The following RXRA variants were observed in gnomAD, a reference collection of about 807,000 sequenced individuals.
RXRA encodes the protein retinoic acid receptor RXR-alpha.
Under a neutral mutation model 44.5 loss-of-function variants are expected in RXRA, and 5 were observed. The observed-to-expected ratio is 0.11, with a 90% CI of 0.06 to 0.24. RXRA has a LOEUF of 0.24. RXRA is among the 10% of genes least tolerant of loss of function. The pLI is 1.00. For synonymous variants in RXRA, 291 were observed against 271.4 expected (o/e 1.07, Z -0.71); for missense variants, 412 against 646.5 (o/e 0.64, Z 3.93).
intron 1 of RXRA, among the ~76,000 whole-genome samples, chr9:134,382,911 G>A (rs1302204525): frequency 2.0e-5 from 3 of 152,172 alleles, no homozygotes; most frequent in Non-Finnish European, 2.9e-5. Flanking sequence ...TTCTTGGAGC[G>A]TGCCGAATGC....
chr9:134,386,686 G>A (rs568302319), intron 1 of RXRA, among the ~76,000 whole-genome samples: 394 of 152,300 alleles, frequency 2.6e-3, no homozygotes, highest in African/African-American at 8.2e-3. Flanking sequence ...GCTGGCCCTG[G>A]GTCTGCCAGA....
chr9:134,339,997 A>C (rs1830067404), intron 1 of RXRA, among the ~76,000 whole-genome samples: 1 of 151,888 alleles, frequency 6.6e-6, no homozygotes. Flanking sequence ...TCCTCTGTGC[A>C]CATCTGTGTC....
chr9:134,401,555 A>T, intron 1 of RXRA, 77 bp from the exon 2 acceptor site: 1 of 1,598,562 alleles, frequency 6.3e-7, no homozygotes, highest in Non-Finnish European at 8.5e-7. Context: ...GTGCATCTGT[A>T]GCTGGGGGGA....
rs188483050 is a variant in RXRA, at chr9:134,335,433, C to T, written c.28+8774C>T. Among the ~76,000 whole-genome samples the T allele has an allele frequency of 7.1e-3, 1,085 of 152,274 alleles. 10 individuals are homozygous for T. Among genetic ancestry groups the T allele is most frequent in the Non-Finnish European group, 0.012 (831 of 68,008 alleles). On this transcript the variant is annotated intron_variant, in intron 1 of 9. Coordinates refer to ENST00000481739, the MANE Select transcript of RXRA (RefSeq NM_002957.6). ...GGCAGAGAGAATGGATGGATTCTTT[C>T]CAGGGGGATCTGGTTCTAGCCAAGG...
chr9:134,408,848 C>T, intron 3 of RXRA, 92 bp from the exon 4 acceptor site: 2 of 1,260,162 alleles, frequency 1.6e-6, no homozygotes, highest in Non-Finnish European at 2.1e-6. Context: ...TGAGGCCTGG[C>T]CCGCCAGCTG....
intron 1 of RXRA, among the ~76,000 whole-genome samples, chr9:134,398,437 C>T (rs1010970784): frequency 7.2e-5 from 11 of 152,008 alleles, no homozygotes; most frequent in African/African-American, 1.9e-4. Context: ...TTTTTAATGT[C>T]CTCTTCCTGG....
In RXRA at chr9:134,422,204, A is replaced by G; in HGVS notation, c.910+399A>G. The G allele has an allele frequency of 2.4e-6, 3 of 1,261,482 alleles. No individual in the cohort carries two copies. The South Asian group carries it at 3.8e-5, about 16-fold the overall frequency. 78.1% of individuals were successfully genotyped at this position (1,261,482 alleles called of 1,614,324 possible). ...GGGACACACTTCCCCCTCCAGGGAC[A>G]CACTTCCCCCTCCTGGGACATACTC... is the stretch of plus-strand genomic sequence containing the variant. On this transcript the variant is annotated intron_variant, in intron 6 of 9. Transcript: ENST00000481739.
intron 1 of RXRA, among the ~76,000 whole-genome samples, chr9:134,382,551 C>G (rs1178189918): frequency 1.3e-5 from 2 of 152,116 alleles, no homozygotes; most frequent in Non-Finnish European, 2.9e-5. Context: ...GGACTGGACA[C>G]CATGGGCCTC....
At chr9:134,422,179 G>A in intron 6 of RXRA, 1 of 1,275,306 alleles carries the variant, frequency 7.8e-7, no homozygotes, top group Non-Finnish European at 1.0e-6. Flanking sequence ...TCCCCCTCCT[G>A]GGACACACTT....
chr9:134,434,405 C>A (rs921122373), intron 9 of RXRA, among the ~76,000 whole-genome samples, 198 bp downstream of exon 9: 1 of 152,126 alleles, frequency 6.6e-6, no homozygotes, highest in Non-Finnish European at 1.5e-5. Flanking sequence ...AGGCCCACGT[C>A]GTATCCCCAC....
intron 6 of RXRA, 69 bp downstream of exon 6, chr9:134,421,874 C>T (rs374188930): frequency 3.8e-6 from 6 of 1,581,588 alleles, no homozygotes; most frequent in East Asian, 2.3e-5. Flanking sequence ...ACACTCCCCC[C>T]TCCCGGGATA....
intron 1 of RXRA, among the ~76,000 whole-genome samples, chr9:134,339,483 A>C (rs1335454667): frequency 7.2e-6 from 1 of 139,644 alleles, no homozygotes; most frequent in African/African-American, 2.7e-5. Context: ...GTGGGTGTGC[A>C]TGCCCACGCC....
chr9:134,433,197 G>A lies in RXRA; in HGVS notation c.1136-905G>A, dbSNP rs370044792. 2.0e-5 allele frequency among the ~76,000 whole-genome samples: 3 copies of A among 152,230 alleles called. No individual in the cohort carries two copies. Among genetic ancestry groups the A allele is most frequent in the Non-Finnish European group, 4.4e-5 (3 of 68,002 alleles). On this transcript the variant is annotated intron_variant, in intron 8 of 9. Transcript: ENST00000481739. This position sits in a 1 kb window ranked among gnomAD's most constrained non-coding sequence, Gnocchi z 4.2. ...ATTTTATCACCCAGGCTGTGCATCC[G>A]GGCCGTAATCCTGCCAGCTCGGAGG...
intron 1 of RXRA, among the ~76,000 whole-genome samples, chr9:134,361,967 C>T (rs1830357574): frequency 6.6e-6 from 1 of 152,182 alleles, no homozygotes; most frequent in Non-Finnish European, 1.5e-5. Flanking sequence ...GTTTCTGATG[C>T]CGCCGGGCTC....
In RXRA at chr9:134,343,586, A is replaced by G. The variant is rs1456605866; in HGVS notation, c.28+16927A>G. 6.6e-6 allele frequency among the ~76,000 whole-genome samples: 1 copy of G among 152,044 alleles called. No homozygotes were observed. The highest frequency in any genetic ancestry group is 1.5e-5 in the Non-Finnish European group (1 of 67,980). ...GACCTAGAAATTGCTCGGGGCCAGG[A>G]AGCGAGACCAGTCACTGGGTGCAAC... is the stretch of plus-strand genomic sequence containing the variant. On this transcript the variant is annotated intron_variant, in intron 1 of 9. Transcript: ENST00000481739. The surrounding 1 kb of genome is among the most constrained non-coding windows in gnomAD (Gnocchi z 4.1).
At chr9:134,403,178 A>G (rs1279431739) in intron 2 of RXRA, 1 of 152,312 alleles carries the variant, frequency 6.6e-6, no homozygotes, top group Non-Finnish European at 1.5e-5. Context: ...CTGCCCATCC[A>G]CCTGGCCCTG....
In RXRA at chr9:134,408,217, C is replaced by A; in HGVS notation, c.348C>A (p.Val116=). ...DIKPPLGLNG[V]LKVPAHPSGN... is the part of the protein sequence containing the mutation. ...AGCCCCCCCTGGGCCTCAATGGCGT[C>A]CTCAAGGTCCCCGCCCACCCCTCAG... The change falls in exon 3 of 10, where the codon GTC becomes GTA. Residue 116 remains valine (V), a synonymous_variant. Coordinates refer to ENST00000481739, the MANE Select transcript of RXRA (RefSeq NM_002957.6). 2 of 1,611,742 alleles carry A rather than the reference C, an allele frequency of 1.2e-6. No individual in the cohort carries two copies. The highest frequency in any genetic ancestry group is 1.7e-6 in the Non-Finnish European group (2 of 1,179,238).
chr9:134,383,289 G>T (rs1830672494), intron 1 of RXRA, among the ~76,000 whole-genome samples: 1 of 152,196 alleles, frequency 6.6e-6, no homozygotes, highest in East Asian at 1.9e-4. Flanking sequence ...AGGTGGGGCT[G>T]TCTTGTGTGG....
intron 1 of RXRA, among the ~76,000 whole-genome samples, chr9:134,377,924 A>T (rs1256258991): frequency 1.3e-5 from 2 of 152,240 alleles, no homozygotes; most frequent in East Asian, 3.9e-4. Context: ...CCCCCCTTGG[A>T]GGGGCTGTGA....
Sources: allele counts gnomAD v4.1 joint callset (sites outside exome capture counted in the v4.1 genomes callset), GRCh38; gene constraint gnomAD v4.1.1; non-coding constraint Gnocchi (gnomAD v3.1); transcripts MANE v1.5; gene names NCBI Gene and HGNC (gene_info 2026-07-23, HGNC 2026-07-21).